EIF3J: variants seen among roughly 807,000 people sequenced by gnomAD.
EIF3J encodes the protein eukaryotic translation initiation factor 3 subunit J.
EIF3J carries 15 observed loss-of-function variants against 39.0 expected under a neutral mutation model. The observed-to-expected ratio is 0.38, with a 90% CI of 0.26 to 0.59. The LOEUF (loss-of-function observed/expected upper bound fraction) is 0.59. Among genes scored for constraint, EIF3J ranks in the 20% least tolerant of loss-of-function variants. The pLI, the probability that EIF3J is intolerant of heterozygous loss-of-function variation, is 0.60. For missense variants in EIF3J, 226 were observed against 308.6 expected, an observed-to-expected ratio of 0.73 and a Z score of 2.00; for synonymous variants, 98 against 112.9, an observed-to-expected ratio of 0.87 and a Z score of 0.84.
chr15:44,553,483 C>CT (rs2082118218), intron 4 of EIF3J, among the ~76,000 whole-genome samples: 1 of 150,478 alleles, frequency 6.6e-6, no homozygotes, highest in Non-Finnish European at 1.5e-5. Flanking sequence ...CAGAGCGAGA[C>CT]TCCATCTCAA....
chr15:44,552,655 G>A (rs1415392512), intron 4 of EIF3J, among the ~76,000 whole-genome samples: 5 of 151,796 alleles, frequency 3.3e-5, no homozygotes, highest in African/African-American at 2.4e-5. Flanking sequence ...ACCTTCTCCC[G>A]GGTTCAAGTG....
chr15:44,539,803 C>G (rs1020190675), intron 2 of EIF3J, among the ~76,000 whole-genome samples: 1 of 147,444 alleles, frequency 6.8e-6, no homozygotes, highest in Non-Finnish European at 1.5e-5. Flanking sequence ...GGTCTCACCC[C>G]GTTTCCCAGG....
chr15:44,537,525 G>A, intron 2 of EIF3J, 98 bp downstream of exon 2: 1 of 1,272,520 alleles, frequency 7.9e-7, no homozygotes, highest in Non-Finnish European at 1.0e-6. Context: ...TGCGGGCCGT[G>A]GGTCCAGGCG....
chr15:44,542,102 GC>G (rs928469298), intron 2 of EIF3J, among the ~76,000 whole-genome samples: 2 of 152,214 alleles, frequency 1.3e-5, no homozygotes, highest in African/African-American at 4.8e-5. Flanking sequence ...TCAGCTGAGT[GC>G]TGATCCATTG....
intron 4 of EIF3J, 70 bp from the exon 5 acceptor site, chr15:44,554,483 C>T (rs532922317): frequency 1.1e-4 from 79 of 727,162 alleles, no homozygotes; most frequent in East Asian, 2.5e-4. Flanking sequence ...TTTAAGAATT[C>T]GTACAATACA....
rs1225548502 is a variant in EIF3J, at chr15:44,548,430, A to G, written c.148-2446A>G. On this transcript the variant is annotated intron_variant, in intron 2 of 7. Coordinates refer to ENST00000261868, the MANE Select transcript of EIF3J (RefSeq NM_003758.4). ...AACTCCGTCTCAAAAAACAAGACCA[A>G]AAAAACCCAGTATGGTACCGTTATA... Among the ~76,000 whole-genome samples the G allele has an allele frequency of 5.3e-5, 8 of 152,272 alleles. No homozygotes were observed. The East Asian group carries it at 5.8e-4, about 11-fold the overall frequency.
chr15:44,560,148 A>C, intron 6 of EIF3J, 101 bp from the exon 7 acceptor site: 1 of 888,924 alleles, frequency 1.1e-6, no homozygotes, highest in Non-Finnish European at 1.7e-6. Flanking sequence ...TGGAATGTAC[A>C]TTTTGGGATA....
intron 2 of EIF3J, chr15:44,550,597 A>T (rs1374219331): frequency 4.7e-5 from 11 of 233,404 alleles, no homozygotes; most frequent in African/African-American, 2.5e-4. Flanking sequence ...CTTAGGAATA[A>T]ATCTAAAGAG....
chr15:44,562,086 T>TAA lies in EIF3J; in HGVS notation c.*939_*940dup. On this transcript the variant is annotated 3_prime_UTR_variant, in exon 8 of 8. Coordinates refer to ENST00000261868, the MANE Select transcript of EIF3J (RefSeq NM_003758.4). ...TAATAAAATCACTGTTGTGAGGACT[T>TAA]AAATTTTGTGTTACCTCCCAAGAGA... 6.5e-6 allele frequency: 1 copy of TAA among 152,786 alleles called. No individual in the cohort carries two copies. The highest frequency in any genetic ancestry group is 1.5e-5 in the Non-Finnish European group (1 of 68,032). The allele number at this position is 152,786 out of a possible 1,614,324, so 9.5% of individuals were successfully genotyped here.
Position 44,557,478 on chromosome 15 carries a change from T to C in EIF3J, c.410-11T>C, listed in dbSNP as rs370178779. On this transcript the variant is annotated splice_polypyrimidine_tract_variant and intron_variant, in intron 5 of 7. Transcript: ENST00000261868. ...CTCCTGATACTTTTCAGTGCTTCTT[T>C]TCTCCTACAGGTGTTAATAATGCAG... is the stretch of plus-strand genomic sequence containing the variant. 26 of 1,492,892 alleles carry C rather than the reference T, an allele frequency of 1.7e-5. No homozygotes were observed. Among genetic ancestry groups the C allele is most frequent in the Non-Finnish European group, 2.2e-5 (25 of 1,125,504 alleles). 92.5% of individuals were successfully genotyped at this position (1,492,892 alleles called of 1,614,324 possible).
At chr15:44,560,679 T>G (rs2082184510) in intron 7 of EIF3J, 2 of 336,368 alleles carry the variant, frequency 5.9e-6, no homozygotes, top group Non-Finnish European at 1.1e-5. Flanking sequence ...AAGAGAAGTA[T>G]GTCAAGTAAA....
intron 2 of EIF3J, among the ~76,000 whole-genome samples, chr15:44,542,657 G>C (rs571540252): frequency 1.3e-5 from 2 of 152,308 alleles, no homozygotes; most frequent in Admixed American, 1.3e-4. Context: ...CTGATACTTA[G>C]TTGTGTTCAA....
At chr15:44,537,467 CTGG>C in intron 2 of EIF3J, 40 bp downstream of exon 2, 1 of 1,467,738 alleles carries the variant, frequency 6.8e-7, no homozygotes, top group Non-Finnish European at 9.0e-7. Flanking sequence ...CGGAAGCGGG[CTGG>C]CGCTGTTGCC....
chr15:44,547,684 G>A (rs988488581), intron 2 of EIF3J, among the ~76,000 whole-genome samples: 13 of 151,778 alleles, frequency 8.6e-5, no homozygotes, highest in Non-Finnish European at 1.3e-4. Context: ...TCCTGACCTC[G>A]TGATCCGCCC....
chr15:44,540,235 CTA>C (rs1158019805), intron 2 of EIF3J, among the ~76,000 whole-genome samples: 3,056 of 76,020 alleles, frequency 0.04, 101 homozygotes, highest in African/African-American at 0.084. Flanking sequence ...CCGCGCCTGG[CTA>C]TATATATATA....
At position 44,537,378 on chromosome 15, in the gene EIF3J, C is replaced by T. The variant is rs898047811; in HGVS notation, c.98C>T (p.Thr33Ile). The T allele has an allele frequency of 2.0e-5, 32 of 1,568,652 alleles. No homozygotes were observed. Among genetic ancestry groups the T allele is most frequent in the Non-Finnish European group, 2.7e-5 (31 of 1,156,582 alleles). Residue 33 changes from threonine to isoleucine, a missense_variant, in exon 2 of 8, where the codon ACT becomes ATT. By Grantham distance (89) the Thr-to-Ile change is moderately conservative (BLOSUM62 -1). Coordinates refer to ENST00000261868, the MANE Select transcript of EIF3J (RefSeq NM_003758.4). ...GTGCGGAAGGTGGGGGGCGGCGGCA[C>T]TGCCGGCGGGGACCGCTGGGAAGGC... ...DPVRKVGGGGTAGGDRWEGED... is the reference protein window; with the variant it reads ...DPVRKVGGGGIAGGDRWEGED...
chr15:44,551,369 T>C, intron 3 of EIF3J, 62 bp from the exon 4 acceptor site: 2 of 1,067,228 alleles, frequency 1.9e-6, no homozygotes, highest in Non-Finnish European at 2.7e-6. Context: ...GTATCATGTC[T>C]GTCTCATCCA....
At chr15:44,539,412 C>A (rs1205101928) in intron 2 of EIF3J, among the ~76,000 whole-genome samples, 5 of 150,582 alleles carry the variant, frequency 3.3e-5, no homozygotes, top group African/African-American at 1.2e-4. Context: ...TGTCCAGTTG[C>A]TCTTTTTTTT....
chr15:44,551,787 C>T (rs1269634986), intron 4 of EIF3J, among the ~76,000 whole-genome samples: 1 of 151,946 alleles, frequency 6.6e-6, no homozygotes, highest in Non-Finnish European at 1.5e-5. Flanking sequence ...TTTGCCAGTG[C>T]CTGTAGTTCA....
Sources: allele counts gnomAD v4.1 joint callset (sites outside exome capture counted in the v4.1 genomes callset), GRCh38; gene constraint gnomAD v4.1.1; transcripts MANE v1.5; gene names NCBI Gene and HGNC (gene_info 2026-07-23, HGNC 2026-07-21).